Variants in MAST4 observed in about 807,000 individuals in gnomAD.
MAST4 encodes the protein microtubule associated serine/threonine kinase family member 4.
MAST4 carries 89 observed loss-of-function variants against 162.7 expected under a neutral mutation model. The ratio of observed to expected loss-of-function variants is 0.55; its 90% CI spans 0.46 to 0.65. MAST4 has a LOEUF of 0.65. Among genes scored for constraint, MAST4 ranks in the 30% least tolerant of loss-of-function variants. MAST4 has a pLI of 0.00. For missense variants in MAST4, 3,153 were observed against 3,374.0 expected, an observed-to-expected ratio of 0.93 and a Z score of 1.62; for synonymous variants, 1,479 against 1,361.1, an observed-to-expected ratio of 1.09 and a Z score of -1.91.
rs550549937 is a variant in MAST4 at position 67,081,029 on chromosome 5, T to G, written c.764-9133T>G. ...ATATAATATATAATTGTATATATTATATAATATAATATATAATTGTATATA... is the reference window on the plus strand; with the variant it reads ...ATATAATATATAATTGTATATATTAGATAATATAATATATAATTGTATATA... On this transcript the variant is annotated intron_variant, in intron 5 of 28. Coordinates refer to ENST00000403625, the MANE Select transcript of MAST4 (RefSeq NM_001164664.2). Among the ~76,000 whole-genome samples the G allele has an allele frequency of 3.7e-4, 50 of 134,992 alleles. 1 individual carries two copies. Among genetic ancestry groups the G allele is most frequent in the African/African-American group, 1.4e-3 (49 of 34,966 alleles). The allele number at this position is 134,992 out of a possible 152,430, so 88.6% of individuals were successfully genotyped here.
intron 3 of MAST4, among the ~76,000 whole-genome samples, chr5:66,853,549 G>A (rs979400650): frequency 6.6e-6 from 1 of 152,166 alleles, no homozygotes; most frequent in Non-Finnish European, 1.5e-5. Context: ...TCTCACCTAA[G>A]TAATCTTGTT....
intron 1 of MAST4, among the ~76,000 whole-genome samples, chr5:66,685,603 G>A (rs1384079025): frequency 6.6e-6 from 1 of 152,032 alleles, no homozygotes; most frequent in African/African-American, 2.4e-5. Flanking sequence ...GAATGGTAGT[G>A]ATTAAGTAGG....
At chr5:67,100,659 A>G in intron 8 of MAST4, 67 bp downstream of exon 8, 3 of 1,589,502 alleles carry the variant, frequency 1.9e-6, no homozygotes, top group South Asian at 1.1e-5. Flanking sequence ...TTGAGTGAAC[A>G]CTTCGGTCCT....
At chr5:66,652,265 A>AT (rs747430426) in intron 1 of MAST4, among the ~76,000 whole-genome samples, 7 of 152,172 alleles carry the variant, frequency 4.6e-5, no homozygotes, top group Non-Finnish European at 1.0e-4. Context: ...GACTATCTGA[A>AT]ACTCTGAGGT....
At position 67,033,315 on chromosome 5, in the gene MAST4, C is replaced by CTCTGTGTGTGTGTGTG. The variant is rs1554084489; in HGVS notation, c.675-21088_675-21087insCTGTGTGTGTGTGTGT. Among the ~76,000 whole-genome samples the CTCTGTGTGTGTGTGTG allele has an allele frequency of 4.9e-3, 611 of 125,976 alleles. 15 individuals are homozygous for CTCTGTGTGTGTGTGTG. The highest frequency in any genetic ancestry group is 0.016 in the African/African-American group (506 of 32,272). The allele number at this position is 125,976 out of a possible 152,430, so 82.6% of individuals were successfully genotyped here. A position where few individuals can be genotyped will look rare whatever the true frequency, so the allele number is the denominator to read the frequency against. On this transcript the variant is annotated intron_variant, in intron 4 of 28. Transcript: ENST00000403625. ...ATTACTTTTTTGGGTTTTCATTTCT[C>CTCTGTGTGTGTGTGTG]TGTGTGTGTGTGTGTGTGTGTGTGT...
chr5:66,796,405 T>C (rs2149688141), intron 3 of MAST4, among the ~76,000 whole-genome samples: 1 of 152,304 alleles, frequency 6.6e-6, no homozygotes, highest in East Asian at 1.9e-4. Context: ...TTTTCTTCTT[T>C]TCATTTTGCA....
chr5:67,099,788 CA>C (rs1477545914), intron 7 of MAST4, among the ~76,000 whole-genome samples: 1 of 150,386 alleles, frequency 6.6e-6, no homozygotes, highest in Non-Finnish European at 1.5e-5. Flanking sequence ...AGGCATGGAA[CA>C]AAAAATTCAC....
Position 67,090,180 on chromosome 5 carries a change from G to T in MAST4, c.782G>T (p.Ser261Ile). 6.2e-7 allele frequency: 1 copy of T among 1,612,356 alleles called. No homozygotes were observed. Among genetic ancestry groups the T allele is most frequent in the African/African-American group, 1.3e-5 (1 of 74,968 alleles). ...SAHAGNSPQD[S>I]PRNFSPSASA... ...TCTCTAGGAAATAGCCCTCAAGATA[G>T]TCCAAGAAATTTCTCCCCCAGTGCC... The change falls in exon 6 of 29, where the codon AGT (serine) becomes ATT (isoleucine). Residue 261 changes from serine (S) to isoleucine (I), a missense_variant. By Grantham distance (142) the Ser-to-Ile change is moderately radical. Coordinates refer to ENST00000403625, the MANE Select transcript of MAST4 (RefSeq NM_001164664.2).
At chr5:66,637,890 T>A (rs1219255182) in intron 1 of MAST4, among the ~76,000 whole-genome samples, 1 of 152,050 alleles carries the variant, frequency 6.6e-6, no homozygotes, top group Non-Finnish European at 1.5e-5. Context: ...TTTGCATTTT[T>A]TGTAGAGGTG....
chr5:66,933,264 G>A (rs559929655), intron 4 of MAST4, among the ~76,000 whole-genome samples: 2 of 152,074 alleles, frequency 1.3e-5, no homozygotes, highest in Admixed American at 6.6e-5. Flanking sequence ...CAGTGGTGAC[G>A]AACTGTTTTC....
chr5:67,149,351 A>G, intron 23 of MAST4, 38 bp from the exon 24 acceptor site: 1 of 1,577,728 alleles, frequency 6.3e-7, no homozygotes, highest in Non-Finnish European at 8.6e-7. Flanking sequence ...CCTATCCTGG[A>G]TTTTCCTGAA....
Position 67,163,567 on chromosome 5 carries a change from C to A in MAST4, c.4388C>A (p.Ser1463Tyr), listed in dbSNP as rs764823965. The change falls in exon 29 of 29, where the codon TCC becomes TAC. Residue 1463 changes from serine (S) to tyrosine (Y), a missense_variant. Around this residue, in one of 7 missense-constraint regions of MAST4, gnomAD observed 619 missense variants for 744.2 expected, o/e 0.83. Transcript: ENST00000403625. This position sits in a 1 kb window ranked among gnomAD's most constrained non-coding sequence, Gnocchi z 7.0. ...SYGSDKKHLC[S>Y]RKHSLEVTQE... ...GGCAGTGACAAGAAGCACCTGTGCT[C>A]CCGCAAGCACAGCCTGGAGGTGACC... 1.8e-5 allele frequency: 29 copies of A among 1,594,504 alleles called. No individual in the cohort carries two copies. The highest frequency in any genetic ancestry group is 1.7e-4 in the African/African-American group (13 of 74,444).
chr5:66,919,967 TCCTTCCTTCTTTCTCTC>T (rs1764418852), intron 4 of MAST4, among the ~76,000 whole-genome samples: 24 of 109,886 alleles, frequency 2.2e-4, no homozygotes, highest in South Asian at 8.2e-4. Context: ...CTTCCTTCCT[TCCTTCCTTCTTTCTCTC>T]TCTCTCTCTC....
At position 66,744,735 on chromosome 5, in the gene MAST4, G is replaced by A. The variant is rs539132139; in HGVS notation, c.364-14974G>A. ...GTCACCAGAACAGCACCTAGTGAAT[G>A]GCACTAACCCATTCATGAAGGATCT... On this transcript the variant is annotated intron_variant, in intron 1 of 28. Transcript: ENST00000403625. 2.0e-5 allele frequency among the ~76,000 whole-genome samples: 3 copies of A among 152,268 alleles called. No individual in the cohort carries two copies. The South Asian group carries it at 6.2e-4, about 32-fold the overall frequency.
intron 2 of MAST4, among the ~76,000 whole-genome samples, chr5:66,769,544 A>G (rs958403593): frequency 3.3e-5 from 5 of 152,170 alleles, no homozygotes; most frequent in African/African-American, 9.7e-5. Context: ...GCCTACTGTA[A>G]CCTGTTGCTC....
At chr5:66,780,483 T>G (rs1387509635) in intron 2 of MAST4, among the ~76,000 whole-genome samples, 1 of 152,212 alleles carries the variant, frequency 6.6e-6, no homozygotes, top group African/African-American at 2.4e-5. Context: ...GTGGTCTCGC[T>G]GACTTCAAGA....
In MAST4 at chr5:67,166,042, C is replaced by A; in HGVS notation, c.6863C>A (p.Pro2288His). Residue 2288 changes from proline (P) to histidine (H), a missense_variant, in exon 29 of 29, where the codon CCC becomes CAC. Physicochemically the swap from Pro to His is moderately conservative, Grantham distance 77. Transcript: ENST00000403625. ...DRAPLDAKPQ[P>H]TSGGRPLEVL... ...GCTCCTCTAGACGCCAAGCCACAACCCACCAGTGGTGGGCGGCCCCTGGAG... is the reference window on the plus strand; with the variant it reads ...GCTCCTCTAGACGCCAAGCCACAACACACCAGTGGTGGGCGGCCCCTGGAG... The A allele has an allele frequency of 6.2e-7, 1 of 1,613,842 alleles. No individual in the cohort carries two copies.
intron 4 of MAST4, among the ~76,000 whole-genome samples, chr5:66,919,952 CCTTCCTTCCTTCCTTCCTTCCTTCTT>C (rs1377248335): frequency 1.6e-3 from 195 of 118,334 alleles, no homozygotes; most frequent in African/African-American, 4.9e-3. Flanking sequence ...TTCCTTCCTT[CCTTCCTTCCTTCCTTCCTTCCTTCTT>C]TCTCTCTCTC....
At chr5:66,606,320 ATGT>A (rs1579969302) in intron 1 of MAST4, among the ~76,000 whole-genome samples, 1 of 152,216 alleles carries the variant, frequency 6.6e-6, no homozygotes, top group East Asian at 1.9e-4. Flanking sequence ...TTTTTCTAGA[ATGT>A]CATGGTATGT....
Sources: allele counts gnomAD v4.1 joint callset (sites outside exome capture counted in the v4.1 genomes callset), GRCh38; gene constraint gnomAD v4.1.1; regional missense constraint gnomAD v4.1.1; non-coding constraint Gnocchi (gnomAD v3.1); transcripts MANE v1.5; gene names NCBI Gene and HGNC (gene_info 2026-07-23, HGNC 2026-07-21).